NOX3: variants seen among roughly 807,000 people sequenced by gnomAD.
The protein encoded by NOX3 is NADPH oxidase 3.
NOX3 carries 74 observed loss-of-function variants against 76.7 expected under a neutral mutation model. The observed-to-expected ratio is 0.96, with a 90% CI of 0.80 to 1.17. The LOEUF (loss-of-function observed/expected upper bound fraction) is 1.17. Among genes scored for constraint, NOX3 ranks in the 50% most tolerant of loss-of-function variants. The pLI is 0.00. For missense variants in NOX3, 695 were observed against 703.3 expected, an observed-to-expected ratio of 0.99 and a Z score of 0.13; for synonymous variants, 263 against 261.1, an observed-to-expected ratio of 1.01 and a Z score of -0.07.
intron 12 of NOX3, among the ~76,000 whole-genome samples, chr6:155,402,102 A>G (rs1347537770): frequency 6.6e-6 from 1 of 152,102 alleles, no homozygotes; most frequent in Non-Finnish European, 1.5e-5. Flanking sequence ...TATTTTCCTG[A>G]TTTTCTGAAC....
At chr6:155,451,224 C>T (rs1264200110) in intron 4 of NOX3, among the ~76,000 whole-genome samples, 1 of 152,136 alleles carries the variant, frequency 6.6e-6, no homozygotes, top group Admixed American at 6.5e-5. Flanking sequence ...GGTAATCCAC[C>T]CGCCCCGGCC....
chr6:155,438,803 A>G (rs2114701529), intron 6 of NOX3, among the ~76,000 whole-genome samples: 1 of 152,342 alleles, frequency 6.6e-6, no homozygotes, highest in South Asian at 2.1e-4. Flanking sequence ...AGGACCCTCC[A>G]TGCTCAGCGG....
chr6:155,454,758 T>G (rs1777189233), intron 3 of NOX3, 53 bp downstream of exon 3: 1 of 1,054,954 alleles, frequency 9.5e-7, no homozygotes, highest in East Asian at 2.5e-5. Flanking sequence ...TCAATGGCAC[T>G]TATATGAGGA....
chr6:155,445,402 C>T (rs1367367456), intron 4 of NOX3, among the ~76,000 whole-genome samples: 1 of 152,194 alleles, frequency 6.6e-6, no homozygotes, highest in Non-Finnish European at 1.5e-5. Flanking sequence ...GAAAAAGAAA[C>T]AGCAAGAACT....
At chr6:155,417,902 A>C (rs750617426) in intron 10 of NOX3, among the ~76,000 whole-genome samples, 7 of 152,256 alleles carry the variant, frequency 4.6e-5, no homozygotes, top group Middle Eastern at 6.8e-3. Flanking sequence ...GCCATTTTGC[A>C]TGGGACACAC....
chr6:155,443,037 G>GTATA, intron 5 of NOX3, among the ~76,000 whole-genome samples: 1 of 151,844 alleles, frequency 6.6e-6, no homozygotes, highest in African/African-American at 2.4e-5. Flanking sequence ...GTGTGTGTGT[G>GTATA]TATATATATA....
At chr6:155,428,195 T>A (rs1776781760) in intron 9 of NOX3, among the ~76,000 whole-genome samples, 1 of 152,208 alleles carries the variant, frequency 6.6e-6, no homozygotes, top group Admixed American at 6.5e-5. Flanking sequence ...GCCCAGACTT[T>A]TCTGAATAGA....
chr6:155,428,976 C>T lies in NOX3; in HGVS notation c.963G>A (p.Gln321=). Residue 321 remains glutamine (Q), a synonymous_variant, in exon 9 of 14, where the codon CAG becomes CAA. Transcript: ENST00000159060. ...TGGCTGGGCACTGCACCAAGATGTA[C>T]TGCCCTGGCGCCATTTTAAAGCCAC... ...KKRGFKMAPG[Q]YILVQCPAIS... The T allele has an allele frequency of 6.2e-7, 1 of 1,613,880 alleles. No individual in the cohort carries two copies. Among genetic ancestry groups the T allele is most frequent in the Non-Finnish European group, 8.5e-7 (1 of 1,179,836 alleles).
intron 11 of NOX3, among the ~76,000 whole-genome samples, chr6:155,409,072 C>T (rs1006571634): frequency 3.3e-5 from 5 of 152,184 alleles, no homozygotes; most frequent in South Asian, 2.1e-4. Flanking sequence ...AATGGGCACA[C>T]GCACCCTCTG....
At chr6:155,397,628 A>G (rs1779156199) in intron 12 of NOX3, among the ~76,000 whole-genome samples, 1 of 152,190 alleles carries the variant, frequency 6.6e-6, no homozygotes, top group Non-Finnish European at 1.5e-5. Flanking sequence ...CTGCATGTGG[A>G]AAAGATGATA....
chr6:155,418,047 C>T (rs530426847), intron 10 of NOX3, among the ~76,000 whole-genome samples: 38 of 152,292 alleles, frequency 2.5e-4, no homozygotes, highest in Non-Finnish European at 4.6e-4. Context: ...GTTAAGAAAA[C>T]GAACCGCATC....
Position 155,398,833 on chromosome 6 carries a change from G to T in NOX3, c.1581-1871C>A, listed in dbSNP as rs369268927. Among the ~76,000 whole-genome samples the T allele has an allele frequency of 5.3e-5, 8 of 152,196 alleles. No homozygotes were observed. In the East Asian group the frequency reaches 1.2e-3, roughly 22 times the overall value. ...CATCTATAAAATGGGGAGAATTATA[G>T]AATCTAGCTCCGAGAATCTCTGTGA... is the stretch of plus-strand genomic sequence containing the variant. On this transcript the variant is annotated intron_variant, in intron 12 of 13. Transcript: ENST00000159060.
chr6:155,420,408 A>AG (rs1439725450), intron 10 of NOX3, among the ~76,000 whole-genome samples: 2 of 152,338 alleles, frequency 1.3e-5, no homozygotes, highest in African/African-American at 4.8e-5. Context: ...GGAAGAACTT[A>AG]GGGTGGCTGA....
At chr6:155,426,758 A>G (rs2114692571) in intron 9 of NOX3, among the ~76,000 whole-genome samples, 1 of 152,222 alleles carries the variant, frequency 6.6e-6, no homozygotes, top group East Asian at 1.9e-4. Context: ...GCAGCTGGCG[A>G]TGCACTCCAT....
At chr6:155,451,071 C>A (rs1041056961) in intron 4 of NOX3, among the ~76,000 whole-genome samples, 1 of 151,958 alleles carries the variant, frequency 6.6e-6, no homozygotes, top group African/African-American at 2.4e-5. Flanking sequence ...CTCCACCTCC[C>A]GGGTTCAGAT....
chr6:155,450,834 G>A (rs1215210716), intron 4 of NOX3, among the ~76,000 whole-genome samples: 1 of 152,102 alleles, frequency 6.6e-6, no homozygotes, highest in Non-Finnish European at 1.5e-5. Flanking sequence ...CACAGGCAGG[G>A]GGCACATGCA....
Position 155,407,851 on chromosome 6 carries a change from C to G in NOX3, c.1456-597G>C, listed in dbSNP as rs146101298. ...CCTGGCAGGCGGCTTGGCTGGAGAT[C>G]TGTGCCTAATCATTTGCCTTGGAAT... On this transcript the variant is annotated intron_variant, in intron 11 of 13. Transcript: ENST00000159060. 1.0e-3 allele frequency among the ~76,000 whole-genome samples: 155 copies of G among 152,332 alleles called. 2 individuals are homozygous for G. In the East Asian group the frequency reaches 0.027, roughly 27 times the overall value.
chr6:155,406,241 A>G (rs771140592), intron 12 of NOX3, among the ~76,000 whole-genome samples: 27 of 152,262 alleles, frequency 1.8e-4, no homozygotes, highest in Admixed American at 4.6e-4. Flanking sequence ...TTAGTGCCCC[A>G]TACTACAAGT....
chr6:155,420,026 G>GTA (rs148657468), intron 10 of NOX3, among the ~76,000 whole-genome samples: 6,034 of 151,050 alleles, frequency 0.04, 266 homozygotes, highest in African/African-American at 0.11. Flanking sequence ...TGTTGTATGT[G>GTA]TATATATATA....
Sources: gnomAD v4.1 joint callset for allele counts (sites outside exome capture counted in the v4.1 genomes callset) on GRCh38, gnomAD v4.1.1 for gene constraint, MANE v1.5 for transcripts, NCBI Gene and HGNC (gene_info 2026-07-23, HGNC 2026-07-21) for gene names.